The following TRANK1 variants were observed in gnomAD, a reference collection of about 807,000 sequenced individuals.
TRANK1 encodes the protein TPR and ankyrin repeat-containing protein 1.
In TRANK1, 198 loss-of-function variants were observed where a neutral mutation model predicts 266.0. The observed-to-expected ratio is 0.74, with a 90% CI of 0.66 to 0.84. The LOEUF is 0.84. Ranked by LOEUF, TRANK1 falls within the 40% of genes least tolerant of loss-of-function variation. The pLI, the probability that TRANK1 is intolerant of heterozygous loss-of-function variation, is 0.00. For synonymous variants in TRANK1, 1,396 were observed against 1,384.1 expected, an observed-to-expected ratio of 1.01 and a Z score of -0.19; for missense variants, 3,326 against 3,634.6, an observed-to-expected ratio of 0.92 and a Z score of 2.18.
intron 2 of TRANK1, 136 bp downstream of exon 2, chr3:36,908,187 G>T: frequency 2.0e-6 from 2 of 1,020,802 alleles, no homozygotes; most frequent in Non-Finnish European, 2.5e-6. Flanking sequence ...AGCTGACAAT[G>T]CAGAGAAGAT....
At chr3:36,905,181 G>A (rs1298698115) in intron 2 of TRANK1, among the ~76,000 whole-genome samples, 3 of 151,870 alleles carry the variant, frequency 2.0e-5, no homozygotes, top group East Asian at 1.9e-4. Flanking sequence ...CCAGCTACTC[G>A]GGAGGCTGAG....
intron 1 of TRANK1, among the ~76,000 whole-genome samples, chr3:36,913,327 G>C (rs931754832): frequency 6.6e-6 from 1 of 152,034 alleles, no homozygotes; most frequent in Admixed American, 6.6e-5. Flanking sequence ...TGGGATTACA[G>C]GCTTGAGCCA....
In TRANK1 at chr3:36,918,518, A is replaced by G. The variant is rs57008719; in HGVS notation, c.24-10064T>C. Among the ~76,000 whole-genome samples, 340 of 35,222 alleles carry G rather than the reference A, an allele frequency of 9.7e-3. 31 individuals carry two copies. The highest frequency in any genetic ancestry group is 0.035 in the African/African-American group (306 of 8,664). The allele number at this position is 35,222 out of a possible 152,430, so 23.1% of individuals were successfully genotyped here. A position where few individuals can be genotyped will look rare whatever the true frequency, so the allele number is the denominator to read the frequency against. Reference sequence around the variant, plus strand: ...AAGAAAGAAAGAAAGAAAGAAAGAAAGAAAGAAAGAAAGAAGGAAGGAAGG... The same window carrying G: ...AAGAAAGAAAGAAAGAAAGAAAGAAGGAAAGAAAGAAAGAAGGAAGGAAGG... On this transcript the variant is annotated intron_variant, in intron 1 of 23. Transcript: ENST00000645898.
chr3:36,917,387 T>C (rs1480444637), intron 1 of TRANK1, among the ~76,000 whole-genome samples: 1 of 152,136 alleles, frequency 6.6e-6, no homozygotes, highest in Admixed American at 6.5e-5. Flanking sequence ...ACAATATACA[T>C]TATGAGCTAA....
At chr3:36,926,129 C>T (rs558829183) in intron 1 of TRANK1, among the ~76,000 whole-genome samples, 14 of 152,238 alleles carry the variant, frequency 9.2e-5, no homozygotes, top group African/African-American at 2.6e-4. Flanking sequence ...AGGTACTTTG[C>T]GTTTAACTGT....
In TRANK1 at chr3:36,831,590, A is replaced by G; in HGVS notation, c.7993T>C (p.Tyr2665His). 4 of 1,613,704 alleles carry G rather than the reference A, an allele frequency of 2.5e-6. No homozygotes were observed. The highest frequency in any genetic ancestry group is 1.1e-5 in the South Asian group (1 of 91,024). ...AGGCGGTTTAGTCTGACCTCCTCAT[A>G]ATAGAGGCCACGGACTATGGACCCT... ...TKGSIVRGLY[Y>H]EEVRLNRLLC... Residue 2665 changes from tyrosine to histidine, a missense_variant, in exon 22 of 24, where the codon TAT (tyrosine) becomes CAT (histidine). By Grantham distance (83) the Tyr-to-His change is moderately conservative (BLOSUM62 2). Transcript: ENST00000645898. The surrounding 1 kb of genome is among the most constrained non-coding windows in gnomAD (Gnocchi z 5.0).
chr3:36,834,791 A>G lies in TRANK1; in HGVS notation c.5634T>C (p.Leu1878=), dbSNP rs571745315. 1 of 1,612,398 alleles carries G rather than the reference A, an allele frequency of 6.2e-7. No homozygotes were observed. The highest frequency in any genetic ancestry group is 8.5e-7 in the Non-Finnish European group (1 of 1,179,384). ...LALKMYCQEE[L]FEEAAIAVEK... Reference sequence around the variant, plus strand: ...CCACTGCAATAGCAGCTTCTTCAAAAAGCTCCTCTTGGCAGTACATTTTGA... The same window carrying G: ...CCACTGCAATAGCAGCTTCTTCAAAGAGCTCCTCTTGGCAGTACATTTTGA... The change falls in exon 21 of 24, where the codon CTT becomes CTC. Residue 1878 remains leucine, a synonymous_variant. Coordinates refer to ENST00000645898, the MANE Select transcript of TRANK1 (RefSeq NM_001329998.2).
intron 1 of TRANK1, among the ~76,000 whole-genome samples, chr3:36,910,738 T>A (rs2080039814): frequency 6.8e-6 from 1 of 148,130 alleles, no homozygotes; most frequent in African/African-American, 2.5e-5. Flanking sequence ...AGACTCTATC[T>A]CCAAAAAATA....
At chr3:36,858,576 G>T (rs1239361870) in intron 12 of TRANK1, 142 bp downstream of exon 12, 1 of 939,736 alleles carries the variant, frequency 1.1e-6, no homozygotes, top group Non-Finnish European at 1.5e-6. Flanking sequence ...GAGGGGCCAG[G>T]TGACATGGGC....
At chr3:36,910,282 G>GA (rs1289918224) in intron 1 of TRANK1, among the ~76,000 whole-genome samples, 3 of 152,186 alleles carry the variant, frequency 2.0e-5, no homozygotes, top group Non-Finnish European at 4.4e-5. Flanking sequence ...AAATGTTGGG[G>GA]ACACTGCTTA....
At chr3:36,872,394 T>G (rs1013918417) in intron 9 of TRANK1, among the ~76,000 whole-genome samples, 2 of 152,044 alleles carry the variant, frequency 1.3e-5, no homozygotes, top group Admixed American at 6.6e-5. Context: ...AGAGCGAGAC[T>G]TCGTCTCAAA....
At chr3:36,895,605 T>C in intron 5 of TRANK1, 35 bp downstream of exon 5, 1 of 1,285,554 alleles carries the variant, frequency 7.8e-7, no homozygotes. Flanking sequence ...ATCAAGAATG[T>C]ACTCTCCCCG....
At chr3:36,920,681 G>A (rs547556814) in intron 1 of TRANK1, among the ~76,000 whole-genome samples, 18 of 152,226 alleles carry the variant, frequency 1.2e-4, no homozygotes, top group Admixed American at 3.3e-4. Flanking sequence ...TTTTGCTTCC[G>A]GCGTAAGGAT....
At chr3:36,866,287 G>T (rs1290810167) in intron 9 of TRANK1, among the ~76,000 whole-genome samples, 3 of 152,158 alleles carry the variant, frequency 2.0e-5, no homozygotes, top group African/African-American at 7.2e-5. Context: ...TGGTTGTGAA[G>T]AAATGAATGA....
intron 1 of TRANK1, among the ~76,000 whole-genome samples, chr3:36,938,261 C>T (rs2080450779): frequency 6.6e-6 from 1 of 152,156 alleles, no homozygotes; most frequent in Non-Finnish European, 1.5e-5. Flanking sequence ...CTCTGTCACC[C>T]AGGCTGGAGT....
rs771468617 is a variant in TRANK1, at chr3:36,828,350, T to G, written c.8835A>C (p.Glu2945Asp). 6.2e-7 allele frequency: 1 copy of G among 1,604,060 alleles called. No homozygotes were observed. The highest frequency in any genetic ancestry group is 1.1e-5 in the South Asian group (1 of 90,214). The change falls in exon 24 of 24, where the codon GAA becomes GAC. Residue 2945 changes from glutamate (E) to aspartate (D), a missense_variant. By Grantham distance (45) the Glu-to-Asp change is conservative. Coordinates refer to ENST00000645898, the MANE Select transcript of TRANK1 (RefSeq NM_001329998.2). ...GCTCACCAAAGTCTTCAACTTCATT[T>G]TCATAATCATCTTCCTGAACAATAC... Reference protein sequence around the residue: ...KEGIVQEDDYENEVEDFGELR... With the variant: ...KEGIVQEDDYDNEVEDFGELR...
chr3:36,840,172 C>T (rs2078824049), intron 18 of TRANK1, among the ~76,000 whole-genome samples: 1 of 152,010 alleles, frequency 6.6e-6, no homozygotes. Flanking sequence ...CAATTTCAGA[C>T]CCATACCTGC....
intron 18 of TRANK1, 122 bp from the exon 19 acceptor site, chr3:36,838,838 G>T: frequency 1.1e-6 from 1 of 929,826 alleles, no homozygotes; most frequent in Non-Finnish European, 1.6e-6. Context: ...AGCCCAATCT[G>T]AGAAGGAGGA....
intron 1 of TRANK1, among the ~76,000 whole-genome samples, chr3:36,940,558 A>C (rs2080483767): frequency 6.6e-6 from 1 of 151,516 alleles, no homozygotes; most frequent in Non-Finnish European, 1.5e-5. Context: ...TCCACCTGGC[A>C]ATCCTAATCT....
Sources: gnomAD v4.1 joint callset for allele counts (sites outside exome capture counted in the v4.1 genomes callset) on GRCh38, gnomAD v4.1.1 for gene constraint, Gnocchi (gnomAD v3.1) non-coding constraint, MANE v1.5 for transcripts, NCBI Gene and HGNC (gene_info 2026-07-23, HGNC 2026-07-21) for gene names.